The following STAC variants were observed in gnomAD, a reference collection of about 807,000 sequenced individuals.
The protein encoded by STAC is SH3 and cysteine rich domain, also known as SH3 and cysteine-rich domain-containing protein.
A neutral mutation model predicts 48.8 loss-of-function variants in STAC; 43 were observed. The ratio of observed to expected loss-of-function variants is 0.88; its 90% CI spans 0.69 to 1.14. The LOEUF is 1.14. Among genes scored for constraint, STAC ranks in the 50% most tolerant of loss-of-function variants. STAC has a pLI of 0.00. For missense variants in STAC, 497 were observed against 504.0 expected (o/e 0.99, Z 0.13); for synonymous variants, 193 against 179.5 (o/e 1.07, Z -0.60).
At chr3:36,529,283 C>A in intron 10 of STAC, 1 of 184,662 alleles carries the variant, frequency 5.4e-6, no homozygotes, top group Non-Finnish European at 1.1e-5. Flanking sequence ...GACAGCTTCT[C>A]TCATTTGGGC....
Position 36,443,300 on chromosome 3 carries a change from C to T in STAC, c.112-64C>T, listed in dbSNP as rs1271878601. 2 of 1,583,486 alleles carry T rather than the reference C, an allele frequency of 1.3e-6. No homozygotes were observed. The highest frequency in any genetic ancestry group is 1.7e-6 in the Non-Finnish European group (2 of 1,161,038). ...TGTAGTGCACACAGCAGACCTTACC[C>T]CCACAGCCTAGGTCTGCTTGATCCA... On this transcript the variant is annotated intron_variant, in intron 1 of 10. Transcript: ENST00000273183. This position sits in a 1 kb window ranked among gnomAD's most constrained non-coding sequence, Gnocchi z 4.2.
chr3:36,479,770 G>C (rs1306427411), intron 2 of STAC, among the ~76,000 whole-genome samples: 1 of 152,162 alleles, frequency 6.6e-6, no homozygotes, highest in Non-Finnish European at 1.5e-5. Flanking sequence ...ACTCTACTCA[G>C]GCATAAGGGT....
At chr3:36,539,782 C>G (rs1250076831) in intron 10 of STAC, among the ~76,000 whole-genome samples, 1 of 152,174 alleles carries the variant, frequency 6.6e-6, no homozygotes, top group East Asian at 1.9e-4. Context: ...AAGGAGAACT[C>G]TGAGACATAC....
intron 2 of STAC, among the ~76,000 whole-genome samples, chr3:36,456,790 G>T (rs73065795): frequency 0.14 from 20,602 of 152,110 alleles, 1,584 homozygotes; most frequent in African/African-American, 0.21. Flanking sequence ...CACAGTGTCA[G>T]TGCTACTTCT....
intron 2 of STAC, among the ~76,000 whole-genome samples, chr3:36,465,770 T>C (rs542243074): frequency 3.3e-4 from 51 of 152,246 alleles, no homozygotes; most frequent in African/African-American, 1.2e-3. Flanking sequence ...GCATCCAGCA[T>C]GGGAGAAAGA....
chr3:36,430,879 G>A (rs540173907), intron 1 of STAC, among the ~76,000 whole-genome samples: 3 of 152,046 alleles, frequency 2.0e-5, no homozygotes, highest in African/African-American at 7.2e-5. Flanking sequence ...TCGGACTAGG[G>A]TACACCCTAA....
chr3:36,506,055 TA>T, intron 8 of STAC: 1 of 375,064 alleles, frequency 2.7e-6, no homozygotes, highest in Non-Finnish European at 4.8e-6. Flanking sequence ...GTTGCATTCC[TA>T]AGGAGTTCCC....
intron 1 of STAC, among the ~76,000 whole-genome samples, chr3:36,382,015 C>T (rs1164545793): frequency 1.3e-5 from 2 of 152,284 alleles, no homozygotes; most frequent in East Asian, 1.9e-4. Context: ...TAATGTCCAC[C>T]TGGTATACTG....
intron 1 of STAC, among the ~76,000 whole-genome samples, chr3:36,408,205 G>A (rs1700122188): frequency 6.6e-6 from 1 of 152,178 alleles, no homozygotes; most frequent in African/African-American, 2.4e-5. Context: ...CTAATCAAGG[G>A]AGTTACTATC....
chr3:36,535,966 G>A (rs1699188703), intron 10 of STAC, among the ~76,000 whole-genome samples: 1 of 152,164 alleles, frequency 6.6e-6, no homozygotes, highest in Non-Finnish European at 1.5e-5. Flanking sequence ...TTAGTACCGG[G>A]ATGATGCTGG....
At chr3:36,410,196 C>A (rs1032557147) in intron 1 of STAC, among the ~76,000 whole-genome samples, 2 of 152,060 alleles carry the variant, frequency 1.3e-5, no homozygotes, top group Non-Finnish European at 2.9e-5. Flanking sequence ...AACGCATTTT[C>A]TGTGTATTTG....
chr3:36,394,123 G>A (rs1391235406), intron 1 of STAC, among the ~76,000 whole-genome samples: 1 of 152,160 alleles, frequency 6.6e-6, no homozygotes, highest in Non-Finnish European at 1.5e-5. Context: ...CTCACCTACG[G>A]AGAGGTGAGT....
At chr3:36,381,138 G>C (rs1304549989) in intron 1 of STAC, among the ~76,000 whole-genome samples, 2 of 152,112 alleles carry the variant, frequency 1.3e-5, no homozygotes, top group Non-Finnish European at 1.5e-5. Flanking sequence ...AGAAAAGCTT[G>C]AGTACTGGGC....
chr3:36,532,121 T>G (rs1699086904), intron 10 of STAC, among the ~76,000 whole-genome samples: 1 of 152,088 alleles, frequency 6.6e-6, no homozygotes, highest in Non-Finnish European at 1.5e-5. Context: ...AACACACACA[T>G]CACCATATCC....
In STAC at chr3:36,457,477, G is replaced by A. The variant is rs73831056; in HGVS notation, c.388+13837G>A. 2.9e-3 allele frequency among the ~76,000 whole-genome samples: 449 copies of A among 152,260 alleles called. 1 individual carries two copies. The highest frequency in any genetic ancestry group is 0.01 in the African/African-American group (421 of 41,548). On this transcript the variant is annotated intron_variant, in intron 2 of 10. Transcript: ENST00000273183. ...TGTGAAAAGCAGGTTGATATTAACC[G>A]TATATCAAATTCCTAGGAAAGGAGT...
At chr3:36,460,093 A>G (rs1696967732) in intron 2 of STAC, among the ~76,000 whole-genome samples, 1 of 152,104 alleles carries the variant, frequency 6.6e-6, no homozygotes, top group Non-Finnish European at 1.5e-5. Context: ...AAAGATGAAT[A>G]GTTCTTCTAT....
At chr3:36,416,454 C>G (rs939043469) in intron 1 of STAC, among the ~76,000 whole-genome samples, 14 of 152,188 alleles carry the variant, frequency 9.2e-5, no homozygotes, top group Non-Finnish European at 2.9e-5. Context: ...GTATATCATT[C>G]ATAAACATGG....
chr3:36,384,642 T>C (rs1699578706), intron 1 of STAC, among the ~76,000 whole-genome samples: 1 of 152,168 alleles, frequency 6.6e-6, no homozygotes, highest in Non-Finnish European at 1.5e-5. Context: ...GTTATGCTAA[T>C]TGATTACAAT....
chr3:36,433,668 G>A (rs1700759407), intron 1 of STAC, among the ~76,000 whole-genome samples: 1 of 152,160 alleles, frequency 6.6e-6, no homozygotes, highest in South Asian at 2.1e-4. Flanking sequence ...ACTATTTAAA[G>A]TCTTTTGTAT....
Sources: allele counts gnomAD v4.1 joint callset (sites outside exome capture counted in the v4.1 genomes callset), GRCh38; gene constraint gnomAD v4.1.1; non-coding constraint Gnocchi (gnomAD v3.1); transcripts MANE v1.5; gene names NCBI Gene and HGNC (gene_info 2026-07-23, HGNC 2026-07-21).